The following WDFY4 variants were observed in gnomAD, a reference collection of about 807,000 sequenced individuals.
The protein encoded by WDFY4 is WD repeat- and FYVE domain-containing protein 4.
Under a neutral mutation model 351.9 loss-of-function variants are expected in WDFY4, and 169 were observed. That is an observed-to-expected ratio of 0.48 (90% CI 0.42 to 0.55). The LOEUF (loss-of-function observed/expected upper bound fraction) is 0.55. Ranked by LOEUF, WDFY4 falls within the 20% of genes least tolerant of loss-of-function variation. The pLI, the probability that WDFY4 is intolerant of heterozygous loss-of-function variation, is 0.00. For synonymous variants in WDFY4, 1,622 were observed against 1,574.6 expected, an observed-to-expected ratio of 1.03 and a Z score of -0.71; for missense variants, 3,803 against 3,935.6, an observed-to-expected ratio of 0.97 and a Z score of 0.90.
Position 48,743,438 on chromosome 10 carries a change from C to G in WDFY4, c.2349C>G (p.Asp783Glu), listed in dbSNP as rs1369210699. Residue 783 changes from aspartate (D) to glutamate (E), a missense_variant, in exon 12 of 62, where the codon GAC becomes GAG. Around this residue, in one of 3 missense-constraint regions of WDFY4, gnomAD observed 3,054 missense variants for 3,148.6 expected, o/e 0.97. Transcript: ENST00000325239. ...MASGTLHLRG[D>E]LKESLRTKQG... ...GCGGCACCCTCCACTTGCGTGGGGA[C>G]CTGAAGGAGTCCCTGAGGACCAAGC... 1 of 1,550,910 alleles carries G rather than the reference C, an allele frequency of 6.4e-7. No individual in the cohort carries two copies.
intron 47 of WDFY4, among the ~76,000 whole-genome samples, chr10:48,908,800 C>G (rs1281668972): frequency 6.6e-6 from 1 of 152,144 alleles, no homozygotes. Context: ...ATGCGTAGCT[C>G]TTTGTCATTT....
At chr10:48,887,594 C>T (rs939201065) in intron 43 of WDFY4, among the ~76,000 whole-genome samples, 7 of 152,154 alleles carry the variant, frequency 4.6e-5, no homozygotes, top group East Asian at 1.9e-4. Flanking sequence ...CTGGCTAACA[C>T]GGTGAAACCC....
At chr10:48,713,149 C>T (rs768699817) in intron 2 of WDFY4, among the ~76,000 whole-genome samples, 8 of 152,166 alleles carry the variant, frequency 5.3e-5, no homozygotes, top group African/African-American at 1.4e-4. Context: ...GCCTCTTTGT[C>T]GGTCAGACTC....
chr10:48,694,949 G>C (rs1021952759), intron 1 of WDFY4, among the ~76,000 whole-genome samples: 1 of 152,172 alleles, frequency 6.6e-6, no homozygotes, highest in African/African-American at 2.4e-5. Context: ...CACTGCATCT[G>C]CTTCCTTGCT....
intron 39 of WDFY4, among the ~76,000 whole-genome samples, chr10:48,861,137 T>G (rs2069327049): frequency 6.6e-6 from 1 of 152,210 alleles, no homozygotes; most frequent in Non-Finnish European, 1.5e-5. Flanking sequence ...GTAATAGTTT[T>G]AAATATTTTC....
intron 42 of WDFY4, among the ~76,000 whole-genome samples, chr10:48,876,388 T>C (rs2070010494): frequency 6.6e-6 from 1 of 152,218 alleles, no homozygotes; most frequent in Non-Finnish European, 1.5e-5. Flanking sequence ...AGCCATATGA[T>C]CTTGTACAAA....
Position 48,980,675 on chromosome 10 carries a change from C to A in WDFY4, c.9377-692C>A, listed in dbSNP as rs368039058. Among the ~76,000 whole-genome samples, 25 of 152,256 alleles carry A rather than the reference C, an allele frequency of 1.6e-4. No homozygotes were observed. The East Asian group carries it at 1.7e-3, about 11-fold the overall frequency. ...GTTTCTCCCACCTGGACCCCTCATGCATTTCCTGGCACATGGCCTGTCTGC... is the reference window on the plus strand; with the variant it reads ...GTTTCTCCCACCTGGACCCCTCATGAATTTCCTGGCACATGGCCTGTCTGC... On this transcript the variant is annotated intron_variant, in intron 60 of 61. Transcript: ENST00000325239.
chr10:48,830,395 G>T (rs145112939), intron 37 of WDFY4, among the ~76,000 whole-genome samples: 1 of 152,306 alleles, frequency 6.6e-6, no homozygotes, highest in East Asian at 1.9e-4. Flanking sequence ...GGGGTGGAGA[G>T]TTGAGGGTCT....
At chr10:48,704,970 C>T (rs1289019086) in intron 1 of WDFY4, among the ~76,000 whole-genome samples, 1 of 151,892 alleles carries the variant, frequency 6.6e-6, no homozygotes, top group African/African-American at 2.4e-5. Context: ...GTGAGAGAAC[C>T]TGTTGTCATC....
At chr10:48,809,315 A>G (rs571205034) in intron 28 of WDFY4, among the ~76,000 whole-genome samples, 1 of 151,844 alleles carries the variant, frequency 6.6e-6, no homozygotes, top group South Asian at 2.1e-4. Flanking sequence ...CACCATCACC[A>G]TCATCACCAT....
At chr10:48,786,566 T>G (rs2066411830) in intron 19 of WDFY4, 73 bp from the exon 20 acceptor site, 1 of 1,147,054 alleles carries the variant, frequency 8.7e-7, no homozygotes, top group African/African-American at 1.6e-5. Context: ...TGCATCATGT[T>G]ATATCACTTT....
At chr10:48,936,315 A>T (rs938253726) in intron 47 of WDFY4, among the ~76,000 whole-genome samples, 3 of 152,162 alleles carry the variant, frequency 2.0e-5, no homozygotes, top group Non-Finnish European at 4.4e-5. Flanking sequence ...GTAGACAGCA[A>T]ATGGATTAAA....
chr10:48,945,116 C>G (rs1241162267), intron 49 of WDFY4, among the ~76,000 whole-genome samples: 1 of 152,216 alleles, frequency 6.6e-6, no homozygotes, highest in Admixed American at 6.5e-5. Flanking sequence ...TGGCTTATGT[C>G]TGTAATCCTG....
chr10:48,822,462 G>A lies in WDFY4; in HGVS notation c.5907G>A (p.Val1969=), dbSNP rs1207621287. The change falls in exon 35 of 62, where the codon GTG becomes GTA. Residue 1969 remains valine (V), a synonymous_variant. Coordinates refer to ENST00000325239, the MANE Select transcript of WDFY4 (RefSeq NM_001394531.1). The part of the protein sequence containing the change: ...ANISCFTQKL[V]EKLYSGMFSA... ...TCTCCTGCTTCACCCAGAAGCTGGT[G>A]GAGAAGCTGTACAGTGGGATGTTCT... The A allele has an allele frequency of 5.2e-6, 8 of 1,551,220 alleles. No homozygotes were observed. The East Asian group carries it at 9.8e-5, about 19-fold the overall frequency.
Position 48,982,876 on chromosome 10 carries a change from CTG to C in WDFY4, c.*302_*303del. 1.2e-5 allele frequency: 3 copies of C among 257,042 alleles called. No homozygotes were observed. Among genetic ancestry groups the C allele is most frequent in the Non-Finnish European group, 1.5e-5 (2 of 132,984 alleles). The allele number at this position is 257,042 out of a possible 1,614,324, so 15.9% of individuals were successfully genotyped here. A position where few individuals can be genotyped will look rare whatever the true frequency, so the allele number is the denominator to read the frequency against. On this transcript the variant is annotated 3_prime_UTR_variant, in exon 62 of 62. Coordinates refer to ENST00000325239, the MANE Select transcript of WDFY4 (RefSeq NM_001394531.1). Reference sequence around the variant, plus strand: ...ACTCACCTTATTAAGGGCTATTGCACTGAAAAAAAAAAAGATGGGTCGCTTAC... The same window carrying C: ...ACTCACCTTATTAAGGGCTATTGCACAAAAAAAAAAAGATGGGTCGCTTAC...
At chr10:48,865,398 T>G (rs1003583230) in intron 39 of WDFY4, among the ~76,000 whole-genome samples, 7 of 152,266 alleles carry the variant, frequency 4.6e-5, no homozygotes, top group African/African-American at 1.7e-4. Flanking sequence ...AAGCCAACTC[T>G]GCATTACTAG....
At chr10:48,725,134 G>A (rs2064223188) in intron 5 of WDFY4, among the ~76,000 whole-genome samples, 1 of 152,196 alleles carries the variant, frequency 6.6e-6, no homozygotes, top group South Asian at 2.1e-4. Context: ...ACCTGCAAGG[G>A]AGGCAGGGAA....
At position 48,873,203 on chromosome 10, in the gene WDFY4, A is replaced by T. The variant is rs141719059; in HGVS notation, c.6742-288A>T. 5.9e-5 allele frequency among the ~76,000 whole-genome samples: 9 copies of T among 152,368 alleles called. No homozygotes were observed. In the East Asian group the frequency reaches 1.7e-3, roughly 29 times the overall value. On this transcript the variant is annotated intron_variant, in intron 40 of 61. Coordinates refer to ENST00000325239, the MANE Select transcript of WDFY4 (RefSeq NM_001394531.1). ...CTGATGAGCTGCTACAGGACCTTCC[A>T]GACCTGTTGCTTTCTGTCCATCACC...
chr10:48,892,297 A>G (rs191808221), intron 44 of WDFY4, among the ~76,000 whole-genome samples: 31 of 152,364 alleles, frequency 2.0e-4, no homozygotes, highest in African/African-American at 7.0e-4. Context: ...AATCATGATC[A>G]AATTCACTAT....
Sources: allele counts gnomAD v4.1 joint callset (sites outside exome capture counted in the v4.1 genomes callset), GRCh38; gene constraint gnomAD v4.1.1; regional missense constraint gnomAD v4.1.1; transcripts MANE v1.5; gene names NCBI Gene and HGNC (gene_info 2026-07-23, HGNC 2026-07-21).